The following CCDC121 variants were observed in gnomAD, a reference collection of about 807,000 sequenced individuals.
CCDC121 encodes coiled-coil domain containing 121.
For synonymous variants in CCDC121, 108 were observed against 120.0 expected, an observed-to-expected ratio of 0.90 and a Z score of 0.65; for missense variants, 238 against 304.1, an observed-to-expected ratio of 0.78 and a Z score of 1.62.
intron 1 of CCDC121, 157 bp downstream of exon 1, chr2:27,628,793 G>A (rs1488097702): frequency 2.6e-6 from 4 of 1,513,014 alleles, no homozygotes; most frequent in Non-Finnish European, 3.5e-6. Context: ...GGAGACAAAA[G>A]CCCTCCCAGG....
In CCDC121 at chr2:27,626,443, C is replaced by T. The variant is rs1673280460; in HGVS notation, c.*520G>A. On this transcript the variant is annotated 3_prime_UTR_variant, in exon 2 of 2. Coordinates refer to ENST00000324364, the MANE Select transcript of CCDC121 (RefSeq NM_024584.5). ...GCTGTTATCAGAATGCTTTTTCACT[C>T]ATGAGAAAACTAGAAGGAGCTACCT... is the stretch of plus-strand genomic sequence containing the variant. The T allele has an allele frequency of 6.6e-6, 1 of 152,562 alleles. No homozygotes were observed. Among genetic ancestry groups the T allele is most frequent in the Non-Finnish European group, 1.5e-5 (1 of 68,244 alleles). The allele number at this position is 152,562 out of a possible 1,614,324, so 9.5% of individuals were successfully genotyped here. A position where few individuals can be genotyped will look rare whatever the true frequency, so the allele number is the denominator to read the frequency against.
intron 1 of CCDC121, 185 bp downstream of exon 1, chr2:27,628,765 T>A (rs1436280618): frequency 6.5e-7 from 1 of 1,535,356 alleles, no homozygotes; most frequent in African/African-American, 1.4e-5. Context: ...GGACCCCATC[T>A]CTTCTGGCCT....
Position 27,627,150 on chromosome 2 carries a change from G to T in CCDC121, c.650C>A (p.Thr217Lys), listed in dbSNP as rs757880782. 6.2e-7 allele frequency: 1 copy of T among 1,613,824 alleles called. No homozygotes were observed. Among genetic ancestry groups the T allele is most frequent in the Non-Finnish European group, 8.5e-7 (1 of 1,179,846 alleles). Residue 217 changes from threonine to lysine, a missense_variant, in exon 2 of 2, where the codon ACG becomes AAG. By Grantham distance (78) the Thr-to-Lys change is moderately conservative. Transcript: ENST00000324364. The stretch of plus-strand genomic sequence containing the variant: ...GTTTTCTAAGTGGCTTTGAGTAGCC[G>T]TTAGTTTCTGGGCTTGCTCAATTAG... ...LQLIEQAQKLTATQSHLENRK... is the reference protein window; with the variant it reads ...LQLIEQAQKLKATQSHLENRK...
chr2:27,627,484 C>T lies in CCDC121; in HGVS notation c.316G>A (p.Ala106Thr). The T allele has an allele frequency of 6.2e-7, 1 of 1,614,134 alleles. No individual in the cohort carries two copies. The highest frequency in any genetic ancestry group is 1.6e-4 in the Middle Eastern group (1 of 6,062). The change falls in exon 2 of 2, where the codon GCA (alanine) becomes ACA (threonine). Residue 106 changes from alanine (A) to threonine (T), a missense_variant. Transcript: ENST00000324364. The stretch of plus-strand genomic sequence containing the variant: ...TTTAATATAGCAATGTCCCTCATTG[C>T]CTGCAACTTCCGCTTCAAACTGGAT... Reference protein sequence around the residue: ...IQSSLKRKLQAMRDIAILKEK... With the variant: ...IQSSLKRKLQTMRDIAILKEK...
rs1229906914 is a variant in CCDC121 at position 27,627,355 on chromosome 2, C to A, written c.445G>T (p.Glu149Ter). Residue 149 changes from glutamate to a stop codon, truncating the protein, a stop_gained, in exon 2 of 2, where the codon GAG becomes TAG. Transcript: ENST00000324364. LOFTEE classifies it low-confidence loss of function (END_TRUNC). ...TREVQAQLLQ[E>*]KRLLEKQLSE... ...AGTTGTTTCTCCAGTAATCTTTTCT[C>A]CTGGAGGAGCTGGGCCTGTACTTCC... The A allele has an allele frequency of 6.2e-7, 1 of 1,613,982 alleles. No individual in the cohort carries two copies. The highest frequency in any genetic ancestry group is 1.1e-5 in the South Asian group (1 of 91,080).
rs746056973 is a variant in CCDC121, at chr2:27,627,072, G to A, written c.728C>T (p.Ala243Val). ...EQWYLESLIQ[A>V]RQRLQGSHNQ... ...ATGACTTCCTTGCAGTCTCTGCCTC[G>A]CCTGGATTAAGGACTCCAGATACCA... The change falls in exon 2 of 2, where the codon GCG becomes GTG. Residue 243 changes from alanine to valine, a missense_variant. By Grantham distance (64) the Ala-to-Val change is moderately conservative. Transcript: ENST00000324364. 545 of 1,614,076 alleles carry A rather than the reference G, an allele frequency of 3.4e-4. 1 individual carries two copies. Among genetic ancestry groups the A allele is most frequent in the South Asian group, 1.9e-3 (175 of 91,080 alleles).
Position 27,626,665 on chromosome 2 carries a change from G to A in CCDC121, c.*298C>T, listed in dbSNP as rs1218888547. On this transcript the variant is annotated 3_prime_UTR_variant, in exon 2 of 2. Coordinates refer to ENST00000324364, the MANE Select transcript of CCDC121 (RefSeq NM_024584.5). ...CAACTGTTTTCACTTCCTTAGGTTGGTTTCCTTTAGCTAGTTTGATGTATG... is the reference window on the plus strand; with the variant it reads ...CAACTGTTTTCACTTCCTTAGGTTGATTTCCTTTAGCTAGTTTGATGTATG... 5 of 271,480 alleles carry A rather than the reference G, an allele frequency of 1.8e-5. No homozygotes were observed. Among genetic ancestry groups the A allele is most frequent in the African/African-American group, 1.1e-4 (5 of 45,502 alleles). The allele number at this position is 271,480 out of a possible 1,614,324, so 16.8% of individuals were successfully genotyped here. A position where few individuals can be genotyped will look rare whatever the true frequency, so the allele number is the denominator to read the frequency against.
Position 27,627,176 on chromosome 2 carries a change from C to T in CCDC121, c.624G>A (p.Gln208=). 6.2e-7 allele frequency: 1 copy of T among 1,613,966 alleles called. No homozygotes were observed. The highest frequency in any genetic ancestry group is 8.5e-7 in the Non-Finnish European group (1 of 1,179,854). The change falls in exon 2 of 2, where the codon CAG becomes CAA. Residue 208 remains glutamine, a synonymous_variant. Transcript: ENST00000324364. Reference sequence around the variant, plus strand: ...TTAGTTTCTGGGCTTGCTCAATTAGCTGCAGTAATTCCTTCTTGAACTGCT... The same window carrying T: ...TTAGTTTCTGGGCTTGCTCAATTAGTTGCAGTAATTCCTTCTTGAACTGCT... The part of the protein sequence containing the change: ...ENQQFKKELL[Q]LIEQAQKLTA...
At position 27,626,204 on chromosome 2, in the gene CCDC121, G is replaced by A. The variant is rs1243301657; in HGVS notation, c.*759C>T. The A allele has an allele frequency of 6.6e-6, 1 of 152,244 alleles. No homozygotes were observed. The highest frequency in any genetic ancestry group is 2.4e-5 in the African/African-American group (1 of 41,426). 9.4% of individuals were successfully genotyped at this position (152,244 alleles called of 1,614,324 possible). On this transcript the variant is annotated 3_prime_UTR_variant, in exon 2 of 2. Coordinates refer to ENST00000324364, the MANE Select transcript of CCDC121 (RefSeq NM_024584.5). ...GAAATCGATGGCACTTAAAAAAAAA[G>A]TTGTCCAAATATTTCAACTTTTTTT...
rs1366097188 is a variant in CCDC121, at chr2:27,626,023, T to C, written c.*940A>G. ...TAATTTAAAATATAATTTATAGTTA[T>C]ACTAAATGGGAATAAACATATGGCA... On this transcript the variant is annotated 3_prime_UTR_variant, in exon 2 of 2. Coordinates refer to ENST00000324364, the MANE Select transcript of CCDC121 (RefSeq NM_024584.5). 6.6e-6 allele frequency: 1 copy of C among 152,074 alleles called. No individual in the cohort carries two copies. Among genetic ancestry groups the C allele is most frequent in the African/African-American group, 2.4e-5 (1 of 41,448 alleles). The allele number at this position is 152,074 out of a possible 1,614,324, so 9.4% of individuals were successfully genotyped here.
chr2:27,625,938 T>C lies in CCDC121; in HGVS notation c.*1025A>G, dbSNP rs1673268292. Reference sequence around the variant, plus strand: ...TACTAGGATTCAGCATTCAAATAAATCACTAGTCCAACTTCAATGTCGTAG... The same window carrying C: ...TACTAGGATTCAGCATTCAAATAAACCACTAGTCCAACTTCAATGTCGTAG... On this transcript the variant is annotated 3_prime_UTR_variant, in exon 2 of 2. Transcript: ENST00000324364. 6.6e-6 allele frequency: 1 copy of C among 152,086 alleles called. No homozygotes were observed. Among genetic ancestry groups the C allele is most frequent in the African/African-American group, 2.4e-5 (1 of 41,394 alleles). The allele number at this position is 152,086 out of a possible 1,614,324, so 9.4% of individuals were successfully genotyped here. A position where few individuals can be genotyped will look rare whatever the true frequency, so the allele number is the denominator to read the frequency against.
In CCDC121 at chr2:27,628,940, C is replaced by T. The variant is rs1673407611; in HGVS notation, c.-119+10G>A. The T allele has an allele frequency of 3.3e-6, 5 of 1,524,200 alleles. No individual in the cohort carries two copies. The highest frequency in any genetic ancestry group is 2.2e-4 in the Middle Eastern group (1 of 4,556). 94.4% of individuals were successfully genotyped at this position (1,524,200 alleles called of 1,614,324 possible). On this transcript the variant is annotated intron_variant, in intron 1 of 1. Transcript: ENST00000324364. ...TAAGAAGATGCCCTGGCAACCGCCG[C>T]GCCCCTCACCCGCTCCTTTCTGACG...
Position 27,627,613 on chromosome 2 carries a change from G to A in CCDC121, c.187C>T (p.Gln63Ter). The A allele has an allele frequency of 6.2e-7, 1 of 1,613,878 alleles. No individual in the cohort carries two copies. Among genetic ancestry groups the A allele is most frequent in the African/African-American group, 1.3e-5 (1 of 74,970 alleles). The change falls in exon 2 of 2, where the codon CAA (glutamine) becomes TAA (stop). Residue 63 changes from glutamine to a stop codon, truncating the protein, a stop_gained. Coordinates refer to ENST00000324364, the MANE Select transcript of CCDC121 (RefSeq NM_024584.5). LOFTEE classifies it low-confidence loss of function (END_TRUNC). Reference sequence around the variant, plus strand: ...CTTCGTTCAATCTCTCCACTTTTTTGTAAATAGCTGTTCCATACCTTCTCA... The same window carrying A: ...CTTCGTTCAATCTCTCCACTTTTTTATAAATAGCTGTTCCATACCTTCTCA... ...QPEKVWNSYL[Q>*]KSGEIERRRQ...
Position 27,626,912 on chromosome 2 carries a change from C to T in CCDC121, c.*51G>A. ...AGCCTTTCTAACCAGGTTAATGTAGCACTTAAGAGTACTTGCTCCAGTTCT... is the reference window on the plus strand; with the variant it reads ...AGCCTTTCTAACCAGGTTAATGTAGTACTTAAGAGTACTTGCTCCAGTTCT... On this transcript the variant is annotated 3_prime_UTR_variant, in exon 2 of 2. Transcript: ENST00000324364. 7.7e-7 allele frequency: 1 copy of T among 1,297,590 alleles called. No homozygotes were observed. The highest frequency in any genetic ancestry group is 1.1e-6 in the Non-Finnish European group (1 of 926,768). 80.4% of individuals were successfully genotyped at this position (1,297,590 alleles called of 1,614,324 possible). A position where few individuals can be genotyped will look rare whatever the true frequency, so the allele number is the denominator to read the frequency against.
chr2:27,628,658 G>C lies in CCDC121; in HGVS notation c.-119+292C>G. The C allele has an allele frequency of 6.4e-7, 1 of 1,551,508 alleles. No homozygotes were observed. The highest frequency in any genetic ancestry group is 8.7e-7 in the Non-Finnish European group (1 of 1,146,808). On this transcript the variant is annotated intron_variant, in intron 1 of 1. Transcript: ENST00000324364. ...ACCGCCTCGGCTACCGAATAAGCCCGAGCAGCCGGTCCTCCAGTGGCTCCG... is the reference window on the plus strand; with the variant it reads ...ACCGCCTCGGCTACCGAATAAGCCCCAGCAGCCGGTCCTCCAGTGGCTCCG...
chr2:27,627,846 T>C lies in CCDC121; in HGVS notation c.-47A>G. 6.2e-7 allele frequency: 1 copy of C among 1,614,220 alleles called. No individual in the cohort carries two copies. The highest frequency in any genetic ancestry group is 8.5e-7 in the Non-Finnish European group (1 of 1,180,036). ...AAGCCTTGTCTCTACCTTTGTTAGC[T>C]TCTCTGGCTTGACAAAATTATTTAT... On this transcript the variant is annotated 5_prime_UTR_variant, in exon 2 of 2. Coordinates refer to ENST00000324364, the MANE Select transcript of CCDC121 (RefSeq NM_024584.5).
At chr2:27,628,068 G>C (rs1377480292) in intron 1 of CCDC121, among the ~76,000 whole-genome samples, 151 bp from the exon 2 acceptor site, 1 of 152,160 alleles carries the variant, frequency 6.6e-6, no homozygotes, top group Non-Finnish European at 1.5e-5. Flanking sequence ...TAGTGGTAAA[G>C]GATGAGGAAT....
chr2:27,627,973 T>C (rs1572946418), intron 1 of CCDC121, 56 bp from the exon 2 acceptor site: 1 of 1,168,330 alleles, frequency 8.6e-7, no homozygotes, highest in South Asian at 1.3e-5. Flanking sequence ...AGGAAGTAAG[T>C]GCACAACTGT....
chr2:27,628,272 A>C, intron 1 of CCDC121: 8 of 980,762 alleles, frequency 8.2e-6, no homozygotes, highest in Non-Finnish European at 1.2e-5. Context: ...AAAGGGTCAC[A>C]GAAACAGACT....
Sources: allele counts gnomAD v4.1 joint callset (sites outside exome capture counted in the v4.1 genomes callset), GRCh38; gene constraint gnomAD v4.1.1; transcripts MANE v1.5; gene names NCBI Gene and HGNC (gene_info 2026-07-23, HGNC 2026-07-21).